ANKS1B: variants seen among roughly 807,000 people sequenced by gnomAD.
ANKS1B encodes the protein ankyrin repeat and sterile alpha motif domain-containing protein 1B.
ANKS1B carries 36 observed loss-of-function variants against 148.3 expected under a neutral mutation model. That is an observed-to-expected ratio of 0.24 (90% CI 0.19 to 0.32). ANKS1B has a LOEUF of 0.32. Ranked by LOEUF, ANKS1B falls within the 10% of genes least tolerant of loss-of-function variation. The pLI is 1.00. For synonymous variants in ANKS1B, 542 were observed against 560.8 expected (o/e 0.97, Z 0.47); for missense variants, 1,157 against 1,542.6 (o/e 0.75, Z 4.19).
At chr12:99,886,815 A>G (rs1475548531) in intron 1 of ANKS1B, among the ~76,000 whole-genome samples, 1 of 152,222 alleles carries the variant, frequency 6.6e-6, no homozygotes, top group African/African-American at 2.4e-5. Flanking sequence ...CCAGACTTAC[A>G]TGCAGAAAAG....
In ANKS1B at chr12:99,274,639, G is replaced by T. The variant is rs185413377; in HGVS notation, c.1757-27775C>A. ...GCACTTTCACTAACACTTTTTCAAT[G>T]CCCTTTTAGTTTCTGCCTGCTACTT... On this transcript the variant is annotated intron_variant, in intron 12 of 26. Transcript: ENST00000683438. Among the ~76,000 whole-genome samples, 572 of 152,150 alleles carry T rather than the reference G, an allele frequency of 3.8e-3. 2 individuals carry two copies. The highest frequency in any genetic ancestry group is 6.2e-3 in the Non-Finnish European group (422 of 68,004).
chr12:99,220,596 A>G (rs1291424910), intron 14 of ANKS1B, among the ~76,000 whole-genome samples: 1 of 150,986 alleles, frequency 6.6e-6, no homozygotes, highest in Non-Finnish European at 1.5e-5. Context: ...ACAGGCACCC[A>G]CCACCACCCC....
At position 99,512,705 on chromosome 12, in the gene ANKS1B, G is replaced by A. The variant is rs542450866; in HGVS notation, c.1273-8064C>T. On this transcript the variant is annotated intron_variant, in intron 9 of 26. Transcript: ENST00000683438. The stretch of plus-strand genomic sequence containing the variant: ...AGAAAATGTGGTACATATACACCAT[G>A]GAATACTATGCAGCCATAAAAGGGA... Among the ~76,000 whole-genome samples, 276 of 152,214 alleles carry A rather than the reference G, an allele frequency of 1.8e-3. 1 individual carries two copies. Among genetic ancestry groups the A allele is most frequent in the South Asian group, 0.015 (74 of 4,822 alleles).
At chr12:99,873,469 T>C (rs983130022) in intron 1 of ANKS1B, among the ~76,000 whole-genome samples, 3 of 152,162 alleles carry the variant, frequency 2.0e-5, no homozygotes, top group Non-Finnish European at 2.9e-5. Context: ...ACTTTCTACC[T>C]ATCCCTTTGT....
At chr12:99,807,223 A>G (rs1480268089) in intron 3 of ANKS1B, among the ~76,000 whole-genome samples, 1 of 152,188 alleles carries the variant, frequency 6.6e-6, no homozygotes, top group Non-Finnish European at 1.5e-5. Flanking sequence ...AAATGAAAAG[A>G]TTTTGGCCTT....
intron 2 of ANKS1B, among the ~76,000 whole-genome samples, chr12:99,812,800 C>T (rs2068598204): frequency 6.6e-6 from 1 of 151,148 alleles, no homozygotes; most frequent in South Asian, 2.1e-4. Context: ...TTTACACACA[C>T]ACAAAAAGTT....
intron 11 of ANKS1B, among the ~76,000 whole-genome samples, chr12:99,431,681 G>C (rs1178111014): frequency 6.6e-6 from 1 of 152,184 alleles, no homozygotes; most frequent in Non-Finnish European, 1.5e-5. Flanking sequence ...TTCTGACTAA[G>C]AGGAAGGTGG....
intron 14 of ANKS1B, among the ~76,000 whole-genome samples, chr12:99,194,118 G>T (rs2081102301): frequency 6.6e-6 from 1 of 151,958 alleles, no homozygotes; most frequent in Admixed American, 6.6e-5. Context: ...GGCTTTAAAT[G>T]AAATGGAATA....
At chr12:99,947,131 G>A (rs1316128716) in intron 1 of ANKS1B, among the ~76,000 whole-genome samples, 1 of 151,456 alleles carries the variant, frequency 6.6e-6, no homozygotes, top group Non-Finnish European at 1.5e-5. Context: ...TTCAAATCCT[G>A]TTTTCTTATT....
chr12:99,121,318 G>GGGGTGTGTGT lies in ANKS1B; in HGVS notation c.2526+32970_2526+32971insACACACACCC, dbSNP rs796549235. 8.1e-3 allele frequency among the ~76,000 whole-genome samples: 859 copies of GGGGTGTGTGT among 105,946 alleles called. 17 individuals are homozygous for GGGGTGTGTGT. Among genetic ancestry groups the GGGGTGTGTGT allele is most frequent in the East Asian group, 0.016 (61 of 3,906 alleles). The allele number at this position is 105,946 out of a possible 152,430, so 69.5% of individuals were successfully genotyped here. ...ACTGTTTTAACAGTGTGTGTATGTA[G>GGGGTGTGTGT]GTATGTGTGTGTGTGTGTGTGTGTG... On this transcript the variant is annotated intron_variant, in intron 15 of 26. Coordinates refer to ENST00000683438, the MANE Select transcript of ANKS1B (RefSeq NM_001352186.2).
chr12:99,150,973 T>G (rs774843033), intron 15 of ANKS1B, among the ~76,000 whole-genome samples: 2 of 152,158 alleles, frequency 1.3e-5, no homozygotes, highest in Non-Finnish European at 2.9e-5. Context: ...GTGACTCTCC[T>G]TAAGTCTTAG....
intron 4 of ANKS1B, among the ~76,000 whole-genome samples, chr12:99,788,435 A>T (rs1281132565): frequency 1.3e-5 from 2 of 152,138 alleles, no homozygotes; most frequent in African/African-American, 4.8e-5. Context: ...CTGCTGACTA[A>T]AGAGCTCTTG....
intron 9 of ANKS1B, among the ~76,000 whole-genome samples, chr12:99,511,273 C>A (rs929016993): frequency 6.6e-6 from 1 of 151,734 alleles, no homozygotes; most frequent in Non-Finnish European, 1.5e-5. Context: ...GCAGGCAAAT[C>A]ATGAATGAAC....
intron 17 of ANKS1B, among the ~76,000 whole-genome samples, chr12:99,031,006 A>G (rs2099951768): frequency 6.6e-6 from 1 of 152,244 alleles, no homozygotes; most frequent in Admixed American, 6.5e-5. Context: ...CAAAGATGGA[A>G]CAAAATTGGT....
intron 1 of ANKS1B, among the ~76,000 whole-genome samples, chr12:99,864,350 G>A (rs1431066385): frequency 1.3e-5 from 2 of 152,100 alleles, no homozygotes; most frequent in African/African-American, 4.8e-5. Flanking sequence ...TTTTAGCCAT[G>A]AAAATCAAAG....
chr12:99,249,894 G>T (rs1040111933), intron 12 of ANKS1B, among the ~76,000 whole-genome samples: 1 of 152,256 alleles, frequency 6.6e-6, no homozygotes, highest in Non-Finnish European at 1.5e-5. Flanking sequence ...CCTGCTGGAT[G>T]ATGAGGTGAC....
chr12:99,740,534 G>A (rs942037443), intron 8 of ANKS1B, among the ~76,000 whole-genome samples: 2 of 152,070 alleles, frequency 1.3e-5, no homozygotes, highest in Non-Finnish European at 2.9e-5. Flanking sequence ...AAAATCACAA[G>A]GATCAATGAG....
chr12:99,863,572 G>A (rs528870402), intron 1 of ANKS1B, among the ~76,000 whole-genome samples: 11 of 152,010 alleles, frequency 7.2e-5, no homozygotes, highest in South Asian at 6.2e-4. Flanking sequence ...AAAATTAGCC[G>A]GGCGTGGTGG....
chr12:99,264,481 C>T (rs548198488), intron 12 of ANKS1B, among the ~76,000 whole-genome samples: 3 of 152,210 alleles, frequency 2.0e-5, no homozygotes, highest in Admixed American at 6.5e-5. Context: ...CCACATGAAG[C>T]GTTTATGATC....
Sources: allele counts gnomAD v4.1 joint callset (sites outside exome capture counted in the v4.1 genomes callset), GRCh38; gene constraint gnomAD v4.1.1; transcripts MANE v1.5; gene names NCBI Gene and HGNC (gene_info 2026-07-23, HGNC 2026-07-21).